Variants in RHD observed in about 807,000 individuals in gnomAD.
RHD encodes blood group Rh(D) polypeptide.
Under a neutral mutation model 45.5 loss-of-function variants are expected in RHD, and 16 were observed. The observed-to-expected ratio is 0.35, with a 90% confidence interval of 0.24 to 0.53. RHD has a LOEUF of 0.53. Ranked by LOEUF, RHD falls within the 20% of genes least tolerant of loss-of-function variation. The probability of loss-of-function intolerance (pLI) is 0.92; values close to 1 mark genes in which losing one functional copy is unlikely to be tolerated. For missense variants in RHD, 306 were observed against 532.0 expected (o/e 0.58, Z 4.18); for synonymous variants, 131 against 217.5 (o/e 0.60, Z 3.50).
intron 5 of RHD, among the ~76,000 whole-genome samples, chr1:25,302,499 T>G (rs1204150289): frequency 1.5e-5 from 2 of 129,410 alleles, no homozygotes; most frequent in Non-Finnish European, 3.6e-5. Context: ...ACAGAAAGTC[T>G]AAGACACCCA....
At position 25,303,733 on chromosome 1, in the gene RHD, C is replaced by A. The variant is rs1226038495; in HGVS notation, c.939+274C>A. 1.5e-5 allele frequency among the ~76,000 whole-genome samples: 2 copies of A among 131,616 alleles called. 1 individual carries two copies. The highest frequency in any genetic ancestry group is 1.5e-4 in the Admixed American group (2 of 13,708). The allele number at this position is 131,616 out of a possible 152,430, so 86.3% of individuals were successfully genotyped here. A position where few individuals can be genotyped will look rare whatever the true frequency, so the allele number is the denominator to read the frequency against. On this transcript the variant is annotated intron_variant, in intron 6 of 9. Transcript: ENST00000328664. ...GTGTCACAGAACTCAAGGACAGGGA[C>A]TGGAGTGTTGTGGGGAGCCCCGAAG... is the stretch of plus-strand genomic sequence containing the variant.
rs982826085 is a variant in RHD, at chr1:25,273,455, A to G, written c.148+760A>G. 3.3e-4 allele frequency among the ~76,000 whole-genome samples: 32 copies of G among 96,670 alleles called. 3 individuals are homozygous for G. The highest frequency in any genetic ancestry group is 1.1e-3 in the African/African-American group (32 of 29,922). The allele number at this position is 96,670 out of a possible 152,430, so 63.4% of individuals were successfully genotyped here. A position where few individuals can be genotyped will look rare whatever the true frequency, so the allele number is the denominator to read the frequency against. ...CACTGTGCCCAGCTCTCTTGCTCAT[A>G]TCTATACTAGTTTTCTTTTGGAAGC... is the stretch of plus-strand genomic sequence containing the variant. On this transcript the variant is annotated intron_variant, in intron 1 of 9. Coordinates refer to ENST00000328664, the MANE Select transcript of RHD (RefSeq NM_016124.6).
rs1180565350 is a variant in RHD, at chr1:25,279,725, G to C, written c.149-4848G>C. ...AATGGTGAGTATTGCCTTATCTCTC[G>C]CTGCTGAACTACCAGGTTAGACTTC... On this transcript the variant is annotated intron_variant, in intron 1 of 9. Transcript: ENST00000328664. Among the ~76,000 whole-genome samples the C allele has an allele frequency of 2.4e-5, 3 of 124,944 alleles. No individual in the cohort carries two copies. The East Asian group carries it at 5.9e-4, about 25-fold the overall frequency. 82.0% of individuals were successfully genotyped at this position (124,944 alleles called of 152,430 possible).
At chr1:25,302,212 T>G (rs1313554646) in intron 5 of RHD, among the ~76,000 whole-genome samples, 1 of 130,708 alleles carries the variant, frequency 7.7e-6, no homozygotes, top group African/African-American at 2.7e-5. Flanking sequence ...GAGTAAATGG[T>G]AGGCAAACAT....
At position 25,322,225 on chromosome 1, in the gene RHD, AC is replaced by A. The variant is rs1644748189; in HGVS notation, c.1227+264del. On this transcript the variant is annotated intron_variant, in intron 9 of 9. Transcript: ENST00000328664. ...GGATGAGACAGCTTTCACTGGCCAC[AC>A]TTCCCCTCCCCCTATCTGCAGTCCT... Among the ~76,000 whole-genome samples the A allele has an allele frequency of 1.5e-5, 2 of 132,024 alleles. 1 individual carries two copies. Among genetic ancestry groups the A allele is most frequent in the East Asian group, 3.9e-4 (2 of 5,134 alleles). 86.6% of individuals were successfully genotyped at this position (132,024 alleles called of 152,430 possible). A position where few individuals can be genotyped will look rare whatever the true frequency, so the allele number is the denominator to read the frequency against.
intron 7 of RHD, among the ~76,000 whole-genome samples, chr1:25,315,582 C>G (rs1644397167): frequency 8.0e-6 from 1 of 124,704 alleles, no homozygotes; most frequent in Non-Finnish European, 1.9e-5. Flanking sequence ...CTGCAAACTC[C>G]ACCTCCCAGG....
Position 25,329,334 on chromosome 1 carries a change from T to TC in RHD, c.*412dup, listed in dbSNP as rs1214076171. ...ATCTTGGCTCACTGCAACCTCTACC[T>TC]CCTGGGTTCAAGCAAATCTCCTGCC... On this transcript the variant is annotated 3_prime_UTR_variant, in exon 10 of 10. Coordinates refer to ENST00000328664, the MANE Select transcript of RHD (RefSeq NM_016124.6). 2.8e-6 allele frequency: 1 copy of TC among 360,602 alleles called. No homozygotes were observed. Among genetic ancestry groups the TC allele is most frequent in the African/African-American group, 2.5e-5 (1 of 40,788 alleles). 22.3% of individuals were successfully genotyped at this position (360,602 alleles called of 1,614,324 possible).
chr1:25,320,796 A>C lies in RHD; in HGVS notation c.1154-1093A>C, dbSNP rs375831482. Among the ~76,000 whole-genome samples the C allele has an allele frequency of 6.1e-5, 8 of 131,816 alleles. 1 individual carries two copies. The highest frequency in any genetic ancestry group is 1.5e-4 in the African/African-American group (6 of 38,826). The allele number at this position is 131,816 out of a possible 152,430, so 86.5% of individuals were successfully genotyped here. A position where few individuals can be genotyped will look rare whatever the true frequency, so the allele number is the denominator to read the frequency against. On this transcript the variant is annotated intron_variant, in intron 8 of 9. Coordinates refer to ENST00000328664, the MANE Select transcript of RHD (RefSeq NM_016124.6). ...GTGGCTCACACCTGTAATCGCAGCCATTTAGAAGGCAAAGGCGGGCAGATC... is the reference window on the plus strand; with the variant it reads ...GTGGCTCACACCTGTAATCGCAGCCCTTTAGAAGGCAAAGGCGGGCAGATC...
chr1:25,298,096 T>C (rs1305926318), intron 3 of RHD, among the ~76,000 whole-genome samples: 1 of 118,256 alleles, frequency 8.5e-6, no homozygotes, highest in African/African-American at 2.8e-5. Flanking sequence ...AAAACAACTC[T>C]TTTCTCTCAG....
chr1:25,321,378 C>T (rs1644689778), intron 8 of RHD, among the ~76,000 whole-genome samples: 1 of 122,872 alleles, frequency 8.1e-6, no homozygotes, highest in Non-Finnish European at 1.9e-5. Context: ...TCTACAGAAT[C>T]GGCCAGGTGT....
intron 8 of RHD, among the ~76,000 whole-genome samples, chr1:25,321,534 G>A (rs1417649835): frequency 8.2e-6 from 1 of 122,352 alleles, no homozygotes; most frequent in East Asian, 2.0e-4. Context: ...GCTGGATGTG[G>A]TGGCAGGCGC....
Position 25,301,349 on chromosome 1 carries a change from G to A in RHD, c.635-171G>A, listed in dbSNP as rs547494400. Among the ~76,000 whole-genome samples, 51 of 130,152 alleles carry A rather than the reference G, an allele frequency of 3.9e-4. 7 individuals carry two copies. In the South Asian group the frequency reaches 0.012, roughly 31 times the overall value. The allele number at this position is 130,152 out of a possible 152,430, so 85.4% of individuals were successfully genotyped here. ...CTTTGTTTCCTTGTCTGTAAAATGTGGTTAGCTGGTATCAGCTTGAGAGCT... is the reference window on the plus strand; with the variant it reads ...CTTTGTTTCCTTGTCTGTAAAATGTAGTTAGCTGGTATCAGCTTGAGAGCT... On this transcript the variant is annotated intron_variant, in intron 4 of 9. Coordinates refer to ENST00000328664, the MANE Select transcript of RHD (RefSeq NM_016124.6).
chr1:25,297,072 A>T (rs1246765824), intron 3 of RHD, among the ~76,000 whole-genome samples: 1 of 128,608 alleles, frequency 7.8e-6, no homozygotes, highest in African/African-American at 2.7e-5. Context: ...AAAAATATAT[A>T]TTTTTTGTGG....
Position 25,305,670 on chromosome 1 carries a change from A to G in RHD, c.940-926A>G, listed in dbSNP as rs1272423698. Among the ~76,000 whole-genome samples, 13 of 128,802 alleles carry G rather than the reference A, an allele frequency of 1.0e-4. 2 individuals are homozygous for G. Among genetic ancestry groups the G allele is most frequent in the African/African-American group, 3.0e-4 (11 of 37,144 alleles). The allele number at this position is 128,802 out of a possible 152,430, so 84.5% of individuals were successfully genotyped here. A position where few individuals can be genotyped will look rare whatever the true frequency, so the allele number is the denominator to read the frequency against. ...GGCTGGAGTGCAGTGGCGCCATCTC[A>G]GCTTACTGCAAGCTCCGCCTCCCGG... is the stretch of plus-strand genomic sequence containing the variant. On this transcript the variant is annotated intron_variant, in intron 6 of 9. Transcript: ENST00000328664.
In RHD at chr1:25,303,604, C is replaced by A. The variant is rs1643570822; in HGVS notation, c.939+145C>A. ...TGGCTTCAACGCCTAGTGAGGGATCCATCCTGGCTCGGTGGCGCATTTGTT... is the reference window on the plus strand; with the variant it reads ...TGGCTTCAACGCCTAGTGAGGGATCAATCCTGGCTCGGTGGCGCATTTGTT... On this transcript the variant is annotated intron_variant, in intron 6 of 9. Transcript: ENST00000328664. 8.8e-6 allele frequency: 8 copies of A among 907,396 alleles called. No individual in the cohort carries two copies. In the Admixed American group the frequency reaches 1.5e-4, roughly 18 times the overall value. 56.2% of individuals were successfully genotyped at this position (907,396 alleles called of 1,614,324 possible). A position where few individuals can be genotyped will look rare whatever the true frequency, so the allele number is the denominator to read the frequency against.
intron 5 of RHD, among the ~76,000 whole-genome samples, chr1:25,302,250 G>A (rs59449913): frequency 0.021 from 2,783 of 129,670 alleles, 378 homozygotes; most frequent in African/African-American, 0.07. Context: ...AAAGAGAGAC[G>A]ATGGTGTGTG....
rs535885158 is a variant in RHD, at chr1:25,319,406, A to G, written c.1153+2327A>G. On this transcript the variant is annotated intron_variant, in intron 8 of 9. Coordinates refer to ENST00000328664, the MANE Select transcript of RHD (RefSeq NM_016124.6). Reference sequence around the variant, plus strand: ...TGAGGTGGGAGAATAGCTTGAGGCCAGGAGTTCAAGCCAGGGCAACATAGT... The same window carrying G: ...TGAGGTGGGAGAATAGCTTGAGGCCGGGAGTTCAAGCCAGGGCAACATAGT... Among the ~76,000 whole-genome samples, 83 of 132,158 alleles carry G rather than the reference A, an allele frequency of 6.3e-4. 14 individuals carry two copies. The highest frequency in any genetic ancestry group is 8.1e-3 in the Middle Eastern group (2 of 248). The allele number at this position is 132,158 out of a possible 152,430, so 86.7% of individuals were successfully genotyped here.
At chr1:25,301,779 G>A in intron 5 of RHD, 93 bp downstream of exon 5, 1 of 951,654 alleles carries the variant, frequency 1.1e-6, no homozygotes, top group Admixed American at 1.8e-5. Context: ...AGCGTGGGTT[G>A]GGAGAGGGCA....
intron 1 of RHD, among the ~76,000 whole-genome samples, chr1:25,282,381 C>T (rs1279475767): frequency 7.6e-6 from 1 of 131,034 alleles, no homozygotes; most frequent in East Asian, 2.0e-4. Flanking sequence ...TACAGGTGCC[C>T]ACCACCACAT....
Sources: gnomAD v4.1 joint callset for allele counts (sites outside exome capture counted in the v4.1 genomes callset) on GRCh38, gnomAD v4.1.1 for gene constraint, MANE v1.5 for transcripts, NCBI Gene and HGNC (gene_info 2026-07-23, HGNC 2026-07-21) for gene names.